EFCAB5: variants seen among roughly 807,000 people sequenced by gnomAD.
The protein encoded by EFCAB5 is EF-hand calcium-binding domain-containing protein 5.
A neutral mutation model predicts 167.9 loss-of-function variants in EFCAB5; 131 were observed. The ratio of observed to expected loss-of-function variants is 0.78; its 90% CI spans 0.68 to 0.90. The LOEUF is 0.90. Ranked by LOEUF, EFCAB5 falls within the 40% of genes least tolerant of loss-of-function variation. The pLI, the probability that EFCAB5 is intolerant of heterozygous loss-of-function variation, is 0.00. For synonymous variants in EFCAB5, 574 were observed against 602.8 expected (o/e 0.95, Z 0.70); for missense variants, 1,663 against 1,745.2 (o/e 0.95, Z 0.84).
upstream of EFCAB5, among the ~76,000 whole-genome samples, chr17:29,940,055 T>C (rs1357456721): frequency 6.6e-6 from 1 of 151,128 alleles, no homozygotes; most frequent in African/African-American, 2.4e-5. Context: ...GAATTGCATC[T>C]CTTTCCCTCA....
chr17:30,035,357 AG>A (rs966899222), intron 8 of EFCAB5, among the ~76,000 whole-genome samples: 1 of 152,202 alleles, frequency 6.6e-6, no homozygotes, highest in African/African-American at 2.4e-5. Context: ...CAATTAATTG[AG>A]GTTTGCTTTC....
intron 1 of EFCAB5, among the ~76,000 whole-genome samples, chr17:29,933,728 A>G (rs2067222171): frequency 6.6e-6 from 1 of 152,192 alleles, no homozygotes; most frequent in African/African-American, 2.4e-5. Flanking sequence ...GCTGGTTCTC[A>G]AGCTTTGAGA....
At chr17:30,096,622 G>A (rs914085266) in intron 22 of EFCAB5, among the ~76,000 whole-genome samples, 4 of 144,996 alleles carry the variant, frequency 2.8e-5, no homozygotes, top group Admixed American at 6.8e-5. Flanking sequence ...AAATTTTAGT[G>A]GCTGTTAAAA....
intron 8 of EFCAB5, among the ~76,000 whole-genome samples, chr17:30,039,710 A>G (rs556528651): frequency 2.6e-5 from 4 of 152,274 alleles, no homozygotes; most frequent in African/African-American, 9.6e-5. Context: ...CCAATTGTCA[A>G]TCCCACCAGT....
chr17:30,007,648 A>G (rs2068799195), intron 7 of EFCAB5, among the ~76,000 whole-genome samples: 1 of 152,176 alleles, frequency 6.6e-6, no homozygotes, highest in Non-Finnish European at 1.5e-5. Flanking sequence ...TCATATTTCC[A>G]TAATTCCAAG....
At chr17:29,978,957 G>A (rs1214259679) in intron 4 of EFCAB5, among the ~76,000 whole-genome samples, 1 of 152,136 alleles carries the variant, frequency 6.6e-6, no homozygotes, top group Admixed American at 6.5e-5. Flanking sequence ...GGGCAGGGGG[G>A]ATGGGGGGAG....
chr17:29,952,643 G>A (rs994381764), intron 3 of EFCAB5, among the ~76,000 whole-genome samples: 1 of 152,010 alleles, frequency 6.6e-6, no homozygotes, highest in African/African-American at 2.4e-5. Flanking sequence ...AAAAAAGACT[G>A]TAGAATATAT....
At chr17:30,015,722 C>G (rs1481005527) in intron 7 of EFCAB5, among the ~76,000 whole-genome samples, 1 of 151,074 alleles carries the variant, frequency 6.6e-6, no homozygotes, top group Non-Finnish European at 1.5e-5. Flanking sequence ...TGATTTTGAG[C>G]ACCTTTTCAT....
intron 18 of EFCAB5, 30 bp downstream of exon 18, chr17:30,083,073 T>A: frequency 6.2e-7 from 1 of 1,602,038 alleles, no homozygotes; most frequent in East Asian, 2.2e-5. Context: ...GGTAGATCTC[T>A]CCAAGGTAGC....
intron 3 of EFCAB5, among the ~76,000 whole-genome samples, chr17:29,951,273 T>C (rs2067502890): frequency 6.6e-6 from 1 of 152,216 alleles, no homozygotes; most frequent in South Asian, 2.1e-4. Context: ...GACAGAAAGA[T>C]GGATACTATC....
At chr17:30,012,524 T>C (rs2068930026) in intron 7 of EFCAB5, among the ~76,000 whole-genome samples, 2 of 152,218 alleles carry the variant, frequency 1.3e-5, no homozygotes, top group African/African-American at 4.8e-5. Context: ...CCCTGTCCAG[T>C]GGACACATGA....
intron 4 of EFCAB5, among the ~76,000 whole-genome samples, chr17:29,988,471 C>T (rs910276392): frequency 7.9e-5 from 12 of 152,126 alleles, no homozygotes; most frequent in Non-Finnish European, 1.6e-4. Context: ...CTTTACCCTT[C>T]GAGCCAGAAT....
chr17:30,051,906 T>C (rs998407743), intron 9 of EFCAB5, among the ~76,000 whole-genome samples: 2 of 152,230 alleles, frequency 1.3e-5, no homozygotes, highest in African/African-American at 4.8e-5. Flanking sequence ...CATTTACTTA[T>C]ACAGTAAAAT....
At chr17:30,069,357 G>A in intron 14 of EFCAB5, 1 of 1,558,732 alleles carries the variant, frequency 6.4e-7, no homozygotes, top group South Asian at 1.1e-5. Flanking sequence ...CGACTAATTG[G>A]TGAAATGAAC....
At chr17:29,935,710 GA>G (rs35613362) in intron 1 of EFCAB5, among the ~76,000 whole-genome samples, 57 of 146,210 alleles carry the variant, frequency 3.9e-4, no homozygotes, top group South Asian at 1.3e-3. Flanking sequence ...TTAAGGGCTA[GA>G]AAAAAAAAAA....
chr17:29,931,316 C>T (rs1415934781), intron 1 of EFCAB5, among the ~76,000 whole-genome samples: 1 of 152,158 alleles, frequency 6.6e-6, no homozygotes, highest in Non-Finnish European at 1.5e-5. Context: ...GATCTCATTG[C>T]TTCTTTTAAA....
At chr17:30,044,155 G>A (rs577340628) in intron 8 of EFCAB5, among the ~76,000 whole-genome samples, 5 of 152,098 alleles carry the variant, frequency 3.3e-5, no homozygotes, top group South Asian at 4.1e-4. Flanking sequence ...TAAGCACATC[G>A]AAATAGGTTC....
chr17:29,930,840 A>T (rs2067182776), intron 1 of EFCAB5, among the ~76,000 whole-genome samples: 1 of 152,056 alleles, frequency 6.6e-6, no homozygotes, highest in Non-Finnish European at 1.5e-5. Flanking sequence ...TCCTGAGGAG[A>T]AGAGAAGCTG....
chr17:30,027,471 C>T (rs1223690293), intron 7 of EFCAB5, among the ~76,000 whole-genome samples: 2 of 151,934 alleles, frequency 1.3e-5, no homozygotes, highest in Admixed American at 6.6e-5. Context: ...CAGAAAGATG[C>T]TGCAGACACA....
Sources: allele counts gnomAD v4.1 joint callset (sites outside exome capture counted in the v4.1 genomes callset), GRCh38; gene constraint gnomAD v4.1.1; transcripts MANE v1.5; gene names NCBI Gene and HGNC (gene_info 2026-07-23, HGNC 2026-07-21).